The following ATP10A variants were observed in gnomAD, a reference collection of about 807,000 sequenced individuals.
ATP10A encodes the protein ATPase phospholipid transporting 10A (putative).
ATP10A carries 111 observed loss-of-function variants against 147.8 expected under a neutral mutation model. The observed-to-expected ratio is 0.75, with a 90% CI of 0.64 to 0.88. ATP10A has a LOEUF of 0.88. ATP10A is among the 40% of genes least tolerant of loss of function. The pLI is 0.00. For synonymous variants in ATP10A, 875 were observed against 841.6 expected (o/e 1.04, Z -0.69); for missense variants, 1,927 against 1,959.0 (o/e 0.98, Z 0.31).
intron 15 of ATP10A, among the ~76,000 whole-genome samples, chr15:25,691,058 G>A (rs1486128904): frequency 1.3e-5 from 2 of 152,142 alleles, no homozygotes; most frequent in Admixed American, 6.5e-5. Context: ...ATCAACCAGC[G>A]AGTAAGTGGT....
chr15:25,802,014 A>G (rs547023426), intron 1 of ATP10A, among the ~76,000 whole-genome samples: 100 of 152,304 alleles, frequency 6.6e-4, no homozygotes, highest in African/African-American at 2.2e-3. Context: ...GGACAAGGGC[A>G]TGTGGCCTAC....
At chr15:25,803,878 G>A (rs1390546426) in intron 1 of ATP10A, among the ~76,000 whole-genome samples, 3 of 152,228 alleles carry the variant, frequency 2.0e-5, no homozygotes, top group Non-Finnish European at 2.9e-5. Flanking sequence ...TGGCACGCAC[G>A]TGCTGCTGCT....
chr15:25,811,965 A>C (rs1471489709), intron 1 of ATP10A, among the ~76,000 whole-genome samples: 2 of 152,224 alleles, frequency 1.3e-5, no homozygotes, highest in East Asian at 3.9e-4. Context: ...AAAGCGCTCC[A>C]GCCCCAGCTG....
rs201984250 is a variant in ATP10A at position 25,862,994 on chromosome 15, G to C, written c.103C>G (p.Pro35Ala). 1.0e-2 allele frequency: 14,113 copies of C among 1,414,980 alleles called. 102 individuals carry two copies. The highest frequency in any genetic ancestry group is 0.027 in the South Asian group (1,724 of 64,404). The allele number at this position is 1,414,980 out of a possible 1,614,324, so 87.7% of individuals were successfully genotyped here. A position where few individuals can be genotyped will look rare whatever the true frequency, so the allele number is the denominator to read the frequency against. Reference sequence around the variant, plus strand: ...CCAGCCGCAGGGTCCTCGGCGCCCGGGGGCGGCAGCAGGTTGGAGCGCACC... The same window carrying C: ...CCAGCCGCAGGGTCCTCGGCGCCCGCGGGCGGCAGCAGGTTGGAGCGCACC... Reference protein sequence around the residue: ...RTVRSNLLPPPGAEDPAAGAA... With the variant: ...RTVRSNLLPPAGAEDPAAGAA... Residue 35 changes from proline to alanine, a missense_variant, in exon 1 of 21, where the codon CCG (proline) becomes GCG (alanine). Transcript: ENST00000555815.
chr15:25,766,516 C>T (rs1483018502), intron 2 of ATP10A, among the ~76,000 whole-genome samples: 1 of 152,012 alleles, frequency 6.6e-6, no homozygotes, highest in East Asian at 1.9e-4. Context: ...GCCCAGCAGC[C>T]CACACCCCTC....
At chr15:25,744,698 AAC>A (rs1408256469) in intron 2 of ATP10A, among the ~76,000 whole-genome samples, 1 of 152,236 alleles carries the variant, frequency 6.6e-6, no homozygotes, top group Non-Finnish European at 1.5e-5. Flanking sequence ...AGATTTGGCA[AAC>A]ACAAAGAGAA....
chr15:25,721,758 A>G lies in ATP10A; in HGVS notation c.1262T>C (p.Ile421Thr). The G allele has an allele frequency of 1.9e-6, 3 of 1,614,208 alleles. No individual in the cohort carries two copies. Among genetic ancestry groups the G allele is most frequent in the Non-Finnish European group, 2.5e-6 (3 of 1,180,038 alleles). ...AGTTTTATCTGAGAAAATGTACTGT[A>G]TCTGTCCTAAGTCTTCCGTGATGTT... Reference protein sequence around the residue: ...ALNITEDLGQIQYIFSDKTGT... With the variant: ...ALNITEDLGQTQYIFSDKTGT... Residue 421 changes from isoleucine to threonine, a missense_variant, in exon 7 of 21, where the codon ATA becomes ACA. Transcript: ENST00000555815.
At position 25,690,979 on chromosome 15, in the gene ATP10A, TGCACAGGCCTGACATGTA is replaced by T. The variant is rs1385305856; in HGVS notation, c.3165+718_3165+735del. 5.9e-5 allele frequency among the ~76,000 whole-genome samples: 9 copies of T among 152,236 alleles called. No individual in the cohort carries two copies. In the East Asian group the frequency reaches 7.7e-4, roughly 13 times the overall value. On this transcript the variant is annotated intron_variant, in intron 15 of 20. Coordinates refer to ENST00000555815, the MANE Select transcript of ATP10A (RefSeq NM_024490.4). The stretch of plus-strand genomic sequence containing the variant: ...ATCAGCTAAAACTATTAATGAGCTC[TGCACAGGCCTGACATGTA>T]GCACATGCCCAACAGATCATTACTG...
intron 3 of ATP10A, among the ~76,000 whole-genome samples, chr15:25,732,906 C>T (rs767345518): frequency 1.3e-4 from 20 of 152,112 alleles, no homozygotes; most frequent in Non-Finnish European, 2.9e-4. Context: ...TCACTGGACT[C>T]TCATGTCAGC....
At chr15:25,820,813 T>A (rs1266296684) in intron 1 of ATP10A, among the ~76,000 whole-genome samples, 1 of 152,110 alleles carries the variant, frequency 6.6e-6, no homozygotes, top group Non-Finnish European at 1.5e-5. Context: ...CATAAAACCA[T>A]AAGGCAAACA....
intron 1 of ATP10A, among the ~76,000 whole-genome samples, chr15:25,798,027 T>G (rs1427184213): frequency 3.9e-5 from 6 of 152,164 alleles, no homozygotes; most frequent in Non-Finnish European, 8.8e-5. Context: ...AATATAACCC[T>G]TGCAAAATTC....
intron 2 of ATP10A, among the ~76,000 whole-genome samples, chr15:25,779,543 C>A (rs2140700055): frequency 6.6e-6 from 1 of 151,534 alleles, no homozygotes; most frequent in African/African-American, 2.4e-5. Context: ...GGGCTCACGC[C>A]CCTGACTTCC....
intron 10 of ATP10A, chr15:25,709,167 C>T (rs552652800): frequency 1.3e-5 from 2 of 152,176 alleles, no homozygotes; most frequent in Non-Finnish European, 2.9e-5. Flanking sequence ...AACAGATACA[C>T]AGCATATCTA....
chr15:25,757,775 T>C (rs1434075213), intron 2 of ATP10A, among the ~76,000 whole-genome samples: 1 of 152,242 alleles, frequency 6.6e-6, no homozygotes. Flanking sequence ...CTTTGCCTTC[T>C]ACTTCTAAAC....
At chr15:25,831,274 C>T (rs1427770005) in intron 1 of ATP10A, among the ~76,000 whole-genome samples, 1 of 152,222 alleles carries the variant, frequency 6.6e-6, no homozygotes, top group African/African-American at 2.4e-5. Flanking sequence ...TGCAATTACA[C>T]ATTGTTGGGC....
intron 1 of ATP10A, among the ~76,000 whole-genome samples, chr15:25,839,657 G>C (rs1294120981): frequency 1.3e-5 from 2 of 152,122 alleles, no homozygotes; most frequent in Non-Finnish European, 2.9e-5. Flanking sequence ...TGTGTACTGG[G>C]CACACCAAAT....
In ATP10A at chr15:25,718,490, C is replaced by T. The variant is rs1056411531; in HGVS notation, c.1364-91G>A. On this transcript the variant is annotated intron_variant, in intron 7 of 20. Transcript: ENST00000555815. ...TCAGTGTGTTTTAGGTTCCGCGAGG[C>T]TTCCGGCAGGGCAGCCCCACAGGAT... The T allele has an allele frequency of 3.0e-6, 4 of 1,334,334 alleles. No homozygotes were observed. The African/African-American group carries it at 4.3e-5, about 14-fold the overall frequency. The allele number at this position is 1,334,334 out of a possible 1,614,324, so 82.7% of individuals were successfully genotyped here.
At chr15:25,824,299 A>G (rs1892013799) in intron 1 of ATP10A, among the ~76,000 whole-genome samples, 1 of 151,940 alleles carries the variant, frequency 6.6e-6, no homozygotes, top group African/African-American at 2.4e-5. Flanking sequence ...CAACACAGTG[A>G]GACCTCTATT....
chr15:25,793,534 C>A (rs1420499040), intron 1 of ATP10A, among the ~76,000 whole-genome samples: 1 of 152,214 alleles, frequency 6.6e-6, no homozygotes, highest in Non-Finnish European at 1.5e-5. Context: ...CTGTAAGTGG[C>A]CACAGGTCTT....
Sources: gnomAD v4.1 joint callset for allele counts (sites outside exome capture counted in the v4.1 genomes callset) on GRCh38, gnomAD v4.1.1 for gene constraint, MANE v1.5 for transcripts, NCBI Gene and HGNC (gene_info 2026-07-23, HGNC 2026-07-21) for gene names.